Variants in ATP8B1 observed in about 807,000 individuals in gnomAD.
ATP8B1 encodes phospholipid-transporting ATPase IC.
ATP8B1 carries 80 observed loss-of-function variants against 149.9 expected under a neutral mutation model. That is an observed-to-expected ratio of 0.53 (90% CI 0.45 to 0.64). The LOEUF (loss-of-function observed/expected upper bound fraction) is 0.64, where lower values mean the gene tolerates loss of function less well. ATP8B1 is among the 30% of genes least tolerant of loss of function. The probability of loss-of-function intolerance (pLI) is 0.00; values close to 1 mark genes in which losing one functional copy is unlikely to be tolerated. For synonymous variants in ATP8B1, 536 were observed against 562.8 expected, an observed-to-expected ratio of 0.95 and a Z score of 0.67; for missense variants, 1,247 against 1,552.6, an observed-to-expected ratio of 0.80 and a Z score of 3.31.
chr18:57,786,921 G>T (rs1261801440), intron 1 of ATP8B1, among the ~76,000 whole-genome samples: 1 of 152,082 alleles, frequency 6.6e-6, no homozygotes, highest in African/African-American at 2.4e-5. Flanking sequence ...TCTAGTAAGG[G>T]GTATTGAAAT....
intron 12 of ATP8B1, 43 bp from the exon 13 acceptor site, chr18:57,688,550 G>A (rs755630395): frequency 5.2e-5 from 82 of 1,583,680 alleles, no homozygotes; most frequent in Non-Finnish European, 6.5e-5. Context: ...GCTCGGATAC[G>A]AGTGGCAAGT....
chr18:57,793,253 T>C (rs964819096), intron 1 of ATP8B1, among the ~76,000 whole-genome samples: 8 of 152,096 alleles, frequency 5.3e-5, no homozygotes, highest in Non-Finnish European at 1.2e-4. Flanking sequence ...GGCATTTCGA[T>C]CTATCAAAAT....
intron 1 of ATP8B1, among the ~76,000 whole-genome samples, chr18:57,762,435 G>A (rs963371005): frequency 1.3e-5 from 2 of 152,090 alleles, no homozygotes; most frequent in African/African-American, 2.4e-5. Context: ...CAATGTGCCC[G>A]GCCCCAGTAA....
At chr18:57,764,920 G>A (rs1329747288) in intron 1 of ATP8B1, among the ~76,000 whole-genome samples, 6 of 152,182 alleles carry the variant, frequency 3.9e-5, no homozygotes, top group Admixed American at 1.3e-4. Flanking sequence ...ATAGGATCTA[G>A]CAATCTCACT....
chr18:57,710,647 T>C (rs1021585213), intron 2 of ATP8B1, among the ~76,000 whole-genome samples: 10 of 152,084 alleles, frequency 6.6e-5, no homozygotes, highest in African/African-American at 2.4e-4. Flanking sequence ...AGACAGTTCA[T>C]ACAAAGGGAA....
intron 20 of ATP8B1, among the ~76,000 whole-genome samples, chr18:57,665,509 AC>A (rs1229494876): frequency 6.6e-6 from 1 of 152,106 alleles, no homozygotes; most frequent in Non-Finnish European, 1.5e-5. Flanking sequence ...GAAGCCCAAA[AC>A]TACTAAAGTA....
At chr18:57,683,585 C>A (rs77638135) in intron 15 of ATP8B1, among the ~76,000 whole-genome samples, 2,271 of 152,176 alleles carry the variant, frequency 0.015, 23 homozygotes, top group Non-Finnish European at 0.024. Context: ...ATTTCAAACC[C>A]AAACTATAAC....
Position 57,802,252 on chromosome 18 carries a change from C to T in ATP8B1, c.-26+746G>A, listed in dbSNP as rs952868281. 2.0e-5 allele frequency among the ~76,000 whole-genome samples: 3 copies of T among 152,150 alleles called. No homozygotes were observed. The highest frequency in any genetic ancestry group is 4.4e-5 in the Non-Finnish European group (3 of 68,034). On this transcript the variant is annotated intron_variant, in intron 1 of 27. Transcript: ENST00000648908. This position sits in a 1 kb window ranked among gnomAD's most constrained non-coding sequence, Gnocchi z 4.9. ...CCGCGCCCCCCAACAAGTTGCCCCT[C>T]CTCGTGCACACAGCGAGGTGACAGC...
intron 2 of ATP8B1, among the ~76,000 whole-genome samples, chr18:57,715,494 G>A (rs2079575443): frequency 6.6e-6 from 1 of 152,046 alleles, no homozygotes; most frequent in Non-Finnish European, 1.5e-5. Flanking sequence ...CCTAGAGGAA[G>A]ATATCAATAT....
rs374957129 is a variant in ATP8B1 at position 57,715,382 on chromosome 18, T to G, written c.182-8795A>C. Among the ~76,000 whole-genome samples, 23 of 152,028 alleles carry G rather than the reference T, an allele frequency of 1.5e-4. No individual in the cohort carries two copies. The East Asian group carries it at 2.5e-3, about 17-fold the overall frequency. On this transcript the variant is annotated intron_variant, in intron 2 of 27. Coordinates refer to ENST00000648908, the MANE Select transcript of ATP8B1 (RefSeq NM_001374385.1). Reference sequence around the variant, plus strand: ...CACCTACAAGATCTAGAAAATAGACTTAAAAAAGCAAATCTAAGAGTTATT... The same window carrying G: ...CACCTACAAGATCTAGAAAATAGACGTAAAAAAGCAAATCTAAGAGTTATT...
chr18:57,781,483 A>G (rs912837831), intron 1 of ATP8B1, among the ~76,000 whole-genome samples: 3 of 152,206 alleles, frequency 2.0e-5, no homozygotes, highest in African/African-American at 7.2e-5. Flanking sequence ...CAGAGCTCAG[A>G]AAGATTAGGG....
chr18:57,719,478 C>T (rs1003842624), intron 2 of ATP8B1, among the ~76,000 whole-genome samples: 7 of 152,284 alleles, frequency 4.6e-5, no homozygotes, highest in Admixed American at 2.0e-4. Context: ...GTTCCCTTTC[C>T]GAGTCAAAGA....
intron 11 of ATP8B1, among the ~76,000 whole-genome samples, chr18:57,693,955 G>T (rs976322417): frequency 6.6e-6 from 1 of 152,046 alleles, no homozygotes; most frequent in Non-Finnish European, 1.5e-5. Context: ...GGGGCAGGAC[G>T]GCCGACTTTT....
intron 15 of ATP8B1, 117 bp from the exon 16 acceptor site, chr18:57,675,139 C>T: frequency 9.9e-7 from 1 of 1,008,142 alleles, no homozygotes. Flanking sequence ...CCCAAAACAT[C>T]CCCAGGAAAA....
intron 19 of ATP8B1, 51 bp downstream of exon 19, chr18:57,668,378 G>T: frequency 6.8e-7 from 1 of 1,481,442 alleles, no homozygotes; most frequent in South Asian, 1.1e-5. Context: ...GGAAACGGCA[G>T]CTATAAATAT....
Position 57,650,426 on chromosome 18 carries a change from G to C in ATP8B1, c.3472C>G (p.Leu1158Val). Residue 1158 changes from leucine to valine, a missense_variant, in exon 27 of 28, where the codon CTA becomes GTA. Leu to Val is a conservative substitution (Grantham distance 32). Around this residue, in one of 3 missense-constraint regions of ATP8B1, gnomAD observed 164 missense variants for 160.3 expected, o/e 1.02. Transcript: ENST00000648908. ...TIILAVAVCL[L>V]PVVAIRFLSM... ...AGGAATCGAATGGCAACGACGGGTA[G>C]TAAGCACACAGCAACAGCCAGGATG... is the stretch of plus-strand genomic sequence containing the variant. The C allele has an allele frequency of 6.2e-7, 1 of 1,614,028 alleles. No individual in the cohort carries two copies. Among genetic ancestry groups the C allele is most frequent in the South Asian group, 1.1e-5 (1 of 91,078 alleles).
chr18:57,720,972 C>A (rs1281197806), intron 2 of ATP8B1, among the ~76,000 whole-genome samples: 1 of 140,892 alleles, frequency 7.1e-6, no homozygotes, highest in Non-Finnish European at 1.5e-5. Context: ...ATTTTCAACC[C>A]AGAATTTCAT....
intron 2 of ATP8B1, among the ~76,000 whole-genome samples, chr18:57,713,865 G>C (rs1486195950): frequency 6.6e-6 from 1 of 151,506 alleles, no homozygotes; most frequent in South Asian, 2.1e-4. Flanking sequence ...GGCCTCAAGT[G>C]ATCTGCCCGC....
intron 1 of ATP8B1, among the ~76,000 whole-genome samples, chr18:57,790,081 G>A (rs1044534805): frequency 4.6e-5 from 7 of 152,046 alleles, no homozygotes; most frequent in African/African-American, 1.7e-4. Flanking sequence ...ACCTTTAGTC[G>A]CTTATGTTAG....
Sources: gnomAD v4.1 joint callset for allele counts (sites outside exome capture counted in the v4.1 genomes callset) on GRCh38, gnomAD v4.1.1 for gene constraint, gnomAD v4.1.1 regional missense constraint, Gnocchi (gnomAD v3.1) non-coding constraint, MANE v1.5 for transcripts, NCBI Gene and HGNC (gene_info 2026-07-23, HGNC 2026-07-21) for gene names.